The following CDH12 variants were observed in gnomAD, a reference collection of about 807,000 sequenced individuals.
The protein encoded by CDH12 is cadherin 12.
Under a neutral mutation model 74.1 loss-of-function variants are expected in CDH12, and 41 were observed. The observed-to-expected ratio is 0.55, with a 90% CI of 0.43 to 0.72. The LOEUF (loss-of-function observed/expected upper bound fraction) is 0.72. CDH12 is among the 30% of genes least tolerant of loss of function. The probability of loss-of-function intolerance (pLI) is 0.00; values close to 1 mark genes in which losing one functional copy is unlikely to be tolerated. For missense variants in CDH12, 945 were observed against 977.2 expected, an observed-to-expected ratio of 0.97 and a Z score of 0.44; for synonymous variants, 399 against 355.0, an observed-to-expected ratio of 1.12 and a Z score of -1.39.
chr5:22,374,396 G>A (rs939044848), intron 3 of CDH12, among the ~76,000 whole-genome samples: 2 of 152,044 alleles, frequency 1.3e-5, no homozygotes, highest in Non-Finnish European at 2.9e-5. Context: ...TTAAGCTCTG[G>A]AACAAGATAA....
chr5:21,999,351 T>G lies in CDH12; in HGVS notation c.232-23966A>C, dbSNP rs529732010. Among the ~76,000 whole-genome samples the G allele has an allele frequency of 2.6e-5, 4 of 152,320 alleles. No homozygotes were observed. The South Asian group carries it at 6.2e-4, about 24-fold the overall frequency. ...CTGACACCACCATTGTATCTAATATTGTCTGATTCAAAATGTGGGTCTAAA... is the reference window on the plus strand; with the variant it reads ...CTGACACCACCATTGTATCTAATATGGTCTGATTCAAAATGTGGGTCTAAA... On this transcript the variant is annotated intron_variant, in intron 5 of 14. Transcript: ENST00000382254.
At chr5:22,787,855 C>A (rs1747716097) in intron 1 of CDH12, among the ~76,000 whole-genome samples, 1 of 152,138 alleles carries the variant, frequency 6.6e-6, no homozygotes, top group Non-Finnish European at 1.5e-5. Flanking sequence ...GCTGGCTTCC[C>A]TCAGTGGGGA....
intron 6 of CDH12, among the ~76,000 whole-genome samples, chr5:21,913,870 A>G (rs1272594870): frequency 1.3e-5 from 2 of 152,116 alleles, no homozygotes; most frequent in African/African-American, 2.4e-5. Context: ...TTTTGGAGAG[A>G]TAGGAGTCTC....
intron 1 of CDH12, among the ~76,000 whole-genome samples, chr5:22,806,749 T>C (rs917270271): frequency 7.9e-5 from 12 of 152,206 alleles, no homozygotes; most frequent in East Asian, 1.9e-4. Context: ...TTTTTTCATA[T>C]GTTTGTTGGC....
At chr5:22,093,330 G>C (rs1202973330) in intron 4 of CDH12, among the ~76,000 whole-genome samples, 3 of 152,088 alleles carry the variant, frequency 2.0e-5, no homozygotes, top group Non-Finnish European at 4.4e-5. Flanking sequence ...GTGGGGTTTG[G>C]AGCTCATGGG....
chr5:21,959,752 C>CAAA (rs1176227757), intron 6 of CDH12, among the ~76,000 whole-genome samples: 10 of 80,826 alleles, frequency 1.2e-4, no homozygotes, highest in African/African-American at 3.6e-4. Flanking sequence ...TACTAAAATC[C>CAAA]AAAAAAAAAA....
chr5:22,595,942 A>T (rs762785179), intron 1 of CDH12, among the ~76,000 whole-genome samples: 66 of 148,382 alleles, frequency 4.4e-4, no homozygotes, highest in African/African-American at 6.7e-4. Context: ...AAAAATAAAT[A>T]AAAAAAATTA....
intron 1 of CDH12, among the ~76,000 whole-genome samples, chr5:22,848,113 T>C (rs981747496): frequency 7.4e-4 from 113 of 152,168 alleles, no homozygotes; most frequent in African/African-American, 2.2e-3. Flanking sequence ...TAAAACAAAA[T>C]ACTACAAATT....
intron 3 of CDH12, among the ~76,000 whole-genome samples, chr5:22,259,219 A>C (rs188185199): frequency 1.3e-4 from 20 of 152,270 alleles, no homozygotes; most frequent in Admixed American, 1.2e-3. Flanking sequence ...GTACTTATCT[A>C]ATTAATTTTG....
At position 21,751,607 on chromosome 5, in the gene CDH12, AGAGTGT is replaced by A; in HGVS notation, c.*124_*129del. On this transcript the variant is annotated 3_prime_UTR_variant, in exon 15 of 15. Transcript: ENST00000382254. The stretch of plus-strand genomic sequence containing the variant: ...CAGGTAATCAAAGGAATCTTGTCCC[AGAGTGT>A]GTGTGTGTGTGTGTGTGTTTGTGTG... 1.8e-6 allele frequency: 1 copy of A among 542,712 alleles called. No individual in the cohort carries two copies. The highest frequency in any genetic ancestry group is 2.9e-6 in the Non-Finnish European group (1 of 350,120). 33.6% of individuals were successfully genotyped at this position (542,712 alleles called of 1,614,324 possible).
At chr5:22,455,493 G>T (rs1398267702) in intron 2 of CDH12, among the ~76,000 whole-genome samples, 2 of 151,126 alleles carry the variant, frequency 1.3e-5, no homozygotes, top group Non-Finnish European at 2.9e-5. Flanking sequence ...GAGGGATGAA[G>T]TCAGCAATTT....
chr5:22,712,502 G>T (rs2126976151), intron 1 of CDH12, among the ~76,000 whole-genome samples: 1 of 152,050 alleles, frequency 6.6e-6, no homozygotes, highest in South Asian at 2.1e-4. Context: ...CATTTCTATA[G>T]GATAACCTGA....
chr5:22,435,784 A>T (rs1744361916), intron 2 of CDH12, among the ~76,000 whole-genome samples: 1 of 151,948 alleles, frequency 6.6e-6, no homozygotes, highest in Non-Finnish European at 1.5e-5. Flanking sequence ...CCTGCACTTG[A>T]TGGATCACCT....
intron 6 of CDH12, among the ~76,000 whole-genome samples, chr5:21,876,478 C>T (rs1224977352): frequency 1.3e-5 from 2 of 152,150 alleles, no homozygotes; most frequent in African/African-American, 4.8e-5. Context: ...TTAACTAGAC[C>T]AGGATAAATC....
intron 1 of CDH12, among the ~76,000 whole-genome samples, chr5:22,705,060 C>T (rs576793028): frequency 1.7e-4 from 25 of 147,648 alleles, no homozygotes; most frequent in African/African-American, 5.2e-4. Context: ...ATATAATGTG[C>T]GTGTTTGTGG....
chr5:22,433,576 T>C (rs1744260038), intron 2 of CDH12, among the ~76,000 whole-genome samples: 1 of 152,090 alleles, frequency 6.6e-6, no homozygotes, highest in African/African-American at 2.4e-5. Context: ...AAATAATAGC[T>C]AACATTTATT....
At chr5:22,699,566 G>A (rs1456602485) in intron 1 of CDH12, among the ~76,000 whole-genome samples, 1 of 152,074 alleles carries the variant, frequency 6.6e-6, no homozygotes, top group Non-Finnish European at 1.5e-5. Context: ...GCAATGGATG[G>A]CTCAGTACCT....
At chr5:21,780,006 A>T (rs1244155374) in intron 11 of CDH12, among the ~76,000 whole-genome samples, 2 of 152,124 alleles carry the variant, frequency 1.3e-5, no homozygotes, top group African/African-American at 4.8e-5. Flanking sequence ...TAATATCTTT[A>T]CATTGGCCAC....
intron 6 of CDH12, among the ~76,000 whole-genome samples, chr5:21,887,899 G>A (rs1752710558): frequency 9.1e-6 from 1 of 109,502 alleles, no homozygotes; most frequent in Admixed American, 1.1e-4. Context: ...AGCAAGAATT[G>A]CCCCAATACT....
Sources: gnomAD v4.1 joint callset for allele counts (sites outside exome capture counted in the v4.1 genomes callset) on GRCh38, gnomAD v4.1.1 for gene constraint, MANE v1.5 for transcripts, NCBI Gene and HGNC (gene_info 2026-07-23, HGNC 2026-07-21) for gene names.